The following TSPAN19 variants were observed in gnomAD, a reference collection of about 807,000 sequenced individuals.
The protein encoded by TSPAN19 is tetraspanin 19, also known as tetraspanin-19.
A neutral mutation model predicts 35.1 loss-of-function variants in TSPAN19; 44 were observed. That is an observed-to-expected ratio of 1.25 (90% CI 0.98 to 1.61). The LOEUF (loss-of-function observed/expected upper bound fraction) is 1.61. Among genes scored for constraint, TSPAN19 ranks in the 40% most tolerant of loss-of-function variants. TSPAN19 has a pLI of 0.00. For missense variants in TSPAN19, 290 were observed against 280.0 expected, an observed-to-expected ratio of 1.04 and a Z score of -0.26; for synonymous variants, 79 against 92.0, an observed-to-expected ratio of 0.86 and a Z score of 0.81.
At chr12:85,034,615 C>T (rs552197978) in intron 1 of TSPAN19, among the ~76,000 whole-genome samples, 1 of 152,200 alleles carries the variant, frequency 6.6e-6, no homozygotes, top group East Asian at 1.9e-4. Context: ...CTGAAGTTAC[C>T]GTTTCTAGGA....
At chr12:85,034,910 G>A (rs1261105270) in intron 1 of TSPAN19, among the ~76,000 whole-genome samples, 2 of 152,076 alleles carry the variant, frequency 1.3e-5, no homozygotes, top group Non-Finnish European at 2.9e-5. Flanking sequence ...AGTAAGCTTT[G>A]AGAAGGAAAG....
chr12:85,029,842 A>G (rs887024247), intron 2 of TSPAN19, 39 bp downstream of exon 2: 4 of 1,520,306 alleles, frequency 2.6e-6, no homozygotes, highest in Non-Finnish European at 3.5e-6. Flanking sequence ...TATACAATAG[A>G]TTACATTTTC....
intron 4 of TSPAN19, among the ~76,000 whole-genome samples, chr12:85,023,921 T>A: frequency 6.6e-6 from 1 of 152,288 alleles, no homozygotes; most frequent in African/African-American, 2.4e-5. Context: ...CTATTTAATT[T>A]TTTTTTAAAT....
In TSPAN19 at chr12:85,029,977, A is replaced by G. The variant is rs1877610137; in HGVS notation, c.-27-4T>C. On this transcript the variant is annotated splice_polypyrimidine_tract_variant and splice_region_variant and intron_variant, in intron 1 of 8. Transcript: ENST00000532498. Reference sequence around the variant, plus strand: ...TTCTTCCAAGATATTGATGATTCTGAAAAGACAACCATAACTTTTTAAACA... The same window carrying G: ...TTCTTCCAAGATATTGATGATTCTGGAAAGACAACCATAACTTTTTAAACA... The G allele has an allele frequency of 7.1e-7, 1 of 1,398,922 alleles. No homozygotes were observed. Among genetic ancestry groups the G allele is most frequent in the Non-Finnish European group, 9.6e-7 (1 of 1,042,190 alleles). 86.7% of individuals were successfully genotyped at this position (1,398,922 alleles called of 1,614,324 possible).
intron 1 of TSPAN19, among the ~76,000 whole-genome samples, chr12:85,034,921 G>C (rs1466635602): frequency 1.3e-5 from 2 of 152,054 alleles, no homozygotes; most frequent in African/African-American, 4.8e-5. Context: ...AGAAGGAAAG[G>C]AACTAAGGCA....
chr12:85,028,115 C>T (rs1272351620), intron 3 of TSPAN19, 92 bp from the exon 4 acceptor site: 1 of 1,133,684 alleles, frequency 8.8e-7, no homozygotes, highest in African/African-American at 1.6e-5. Context: ...TTGCAGCAAT[C>T]AAAAGTTTTT....
At chr12:85,016,173 C>T (rs1175194540) in intron 7 of TSPAN19, 3 of 423,122 alleles carry the variant, frequency 7.1e-6, no homozygotes, top group Non-Finnish European at 1.2e-5. Context: ...TTTAAAATTG[C>T]TAAGATGTTA....
intron 4 of TSPAN19, chr12:85,024,515 G>A (rs1250250836): frequency 1.3e-5 from 2 of 152,102 alleles, no homozygotes; most frequent in African/African-American, 4.8e-5. Context: ...AGTGGCTCAT[G>A]GCTGTTAATC....
intron 7 of TSPAN19, 71 bp downstream of exon 7, chr12:85,017,385 T>C: frequency 1.4e-6 from 2 of 1,407,332 alleles, no homozygotes; most frequent in South Asian, 1.3e-5. Context: ...TTGCTCAGAA[T>C]TCTAAATTGA....
At chr12:85,036,029 G>C (rs925755457) in intron 1 of TSPAN19, among the ~76,000 whole-genome samples, 175 bp downstream of exon 1, 23 of 151,944 alleles carry the variant, frequency 1.5e-4, no homozygotes, top group Admixed American at 1.4e-3. Context: ...TCAGGATTAA[G>C]GGTTTGTGGA....
At chr12:85,020,144 T>C (rs1877047956) in intron 5 of TSPAN19, among the ~76,000 whole-genome samples, 1 of 151,948 alleles carries the variant, frequency 6.6e-6, no homozygotes, top group Non-Finnish European at 1.5e-5. Context: ...CTGTGGGGGT[T>C]TGTACTGTAC....
chr12:85,027,472 TAA>T, intron 4 of TSPAN19, among the ~76,000 whole-genome samples: 1 of 152,278 alleles, frequency 6.6e-6, no homozygotes, highest in East Asian at 1.9e-4. Context: ...CATACATACA[TAA>T]GTTACCTTTC....
intron 6 of TSPAN19, 113 bp downstream of exon 6, chr12:85,019,513 A>G: frequency 1.6e-6 from 1 of 635,896 alleles, no homozygotes. Flanking sequence ...TTTGTTTGAA[A>G]GAAATACAAC....
intron 5 of TSPAN19, among the ~76,000 whole-genome samples, chr12:85,022,775 G>A (rs1023934325): frequency 3.3e-5 from 5 of 152,042 alleles, no homozygotes; most frequent in Non-Finnish European, 7.4e-5. Context: ...GGTTGTAATA[G>A]GTAAGTTTTG....
chr12:85,020,257 G>T (rs1317504755), intron 5 of TSPAN19, among the ~76,000 whole-genome samples: 2 of 150,898 alleles, frequency 1.3e-5, no homozygotes, highest in African/African-American at 4.9e-5. Context: ...CTCGGTGAAG[G>T]TATATTTAAT....
intron 3 of TSPAN19, 70 bp from the exon 4 acceptor site, chr12:85,028,093 A>G: frequency 1.6e-6 from 2 of 1,274,002 alleles, no homozygotes; most frequent in Non-Finnish European, 2.1e-6. Flanking sequence ...TTTATTTTCT[A>G]TTTAAGAATA....
intron 3 of TSPAN19, among the ~76,000 whole-genome samples, chr12:85,028,977 G>C (rs958483545): frequency 1.3e-5 from 2 of 152,158 alleles, no homozygotes; most frequent in African/African-American, 4.8e-5. Context: ...GGTTGGAATG[G>C]TGGAGCATTT....
chr12:85,018,420 T>C (rs1876933420), intron 6 of TSPAN19, among the ~76,000 whole-genome samples: 1 of 151,898 alleles, frequency 6.6e-6, no homozygotes, highest in Non-Finnish European at 1.5e-5. Flanking sequence ...ACATATATTA[T>C]CTCAGTTATA....
chr12:85,019,994 C>T (rs1428059860), intron 5 of TSPAN19, among the ~76,000 whole-genome samples: 2 of 151,852 alleles, frequency 1.3e-5, no homozygotes, highest in African/African-American at 2.4e-5. Context: ...GTGCTATTCT[C>T]ATGCATATCT....
Sources: gnomAD v4.1 joint callset for allele counts (sites outside exome capture counted in the v4.1 genomes callset) on GRCh38, gnomAD v4.1.1 for gene constraint, MANE v1.5 for transcripts, NCBI Gene and HGNC (gene_info 2026-07-23, HGNC 2026-07-21) for gene names.